Variants in CSMD3 observed in about 807,000 individuals in gnomAD.
CSMD3 encodes the protein CUB and sushi domain-containing protein 3.
A neutral mutation model predicts 435.2 loss-of-function variants in CSMD3; 177 were observed. The ratio of observed to expected loss-of-function variants is 0.41; its 90% CI spans 0.36 to 0.46. The LOEUF is 0.46. CSMD3 is among the 20% of genes least tolerant of loss of function. The pLI is 0.34. For missense variants in CSMD3, 4,265 were observed against 4,504.6 expected (o/e 0.95, Z 1.52); for synonymous variants, 1,656 against 1,520.5 (o/e 1.09, Z -2.07).
intron 22 of CSMD3, among the ~76,000 whole-genome samples, chr8:112,616,424 A>G (rs1391184266): frequency 1.3e-5 from 2 of 152,104 alleles, no homozygotes; most frequent in African/African-American, 2.4e-5. Context: ...CAGCACTCCT[A>G]CCATGTGAGA....
In CSMD3 at chr8:113,039,059, G is replaced by T. The variant is rs571849706; in HGVS notation, c.918-19880C>A. Among the ~76,000 whole-genome samples the T allele has an allele frequency of 1.3e-3, 204 of 152,056 alleles. 1 individual carries two copies. Among genetic ancestry groups the T allele is most frequent in the African/African-American group, 4.8e-3 (198 of 41,488 alleles). Reference sequence around the variant, plus strand: ...ATGTATTTTAAAGCTGATTTTTATGGTATAGTGTTCTATGAAATCCTTTGA... The same window carrying T: ...ATGTATTTTAAAGCTGATTTTTATGTTATAGTGTTCTATGAAATCCTTTGA... On this transcript the variant is annotated intron_variant, in intron 5 of 70. Coordinates refer to ENST00000297405, the MANE Select transcript of CSMD3 (RefSeq NM_198123.2).
intron 13 of CSMD3, among the ~76,000 whole-genome samples, chr8:112,789,884 T>C (rs577543659): frequency 9.9e-5 from 15 of 152,128 alleles, no homozygotes; most frequent in African/African-American, 3.6e-4. Flanking sequence ...AGAAAACTAA[T>C]GAATGCATGG....
At chr8:112,890,056 C>T (rs1442236906) in intron 10 of CSMD3, among the ~76,000 whole-genome samples, 1 of 151,612 alleles carries the variant, frequency 6.6e-6, no homozygotes, top group Non-Finnish European at 1.5e-5. Flanking sequence ...AGAAAAAAAG[C>T]ACTTGTTAAT....
chr8:113,050,336 T>TATCA (rs1447069068), intron 5 of CSMD3, among the ~76,000 whole-genome samples: 1 of 152,040 alleles, frequency 6.6e-6, no homozygotes, highest in African/African-American at 2.4e-5. Context: ...CTTTTAAACC[T>TATCA]ATCACATTTA....
At chr8:112,870,475 A>T in intron 10 of CSMD3, among the ~76,000 whole-genome samples, 1 of 151,034 alleles carries the variant, frequency 6.6e-6, no homozygotes, top group East Asian at 1.9e-4. Context: ...ACGGGGTTTC[A>T]CAGTGTTAGC....
At chr8:112,606,672 T>G (rs1189082398) in intron 22 of CSMD3, among the ~76,000 whole-genome samples, 1 of 152,192 alleles carries the variant, frequency 6.6e-6, no homozygotes, top group East Asian at 1.9e-4. Flanking sequence ...TCAAGAAGAC[T>G]GAAGTTATAC....
chr8:113,146,214 C>G (rs1393768091), intron 4 of CSMD3, among the ~76,000 whole-genome samples: 1 of 151,458 alleles, frequency 6.6e-6, no homozygotes, highest in African/African-American at 2.4e-5. Flanking sequence ...TTCCTCTTGT[C>G]AAATATCCAG....
At chr8:112,748,750 T>C (rs917542938) in intron 13 of CSMD3, among the ~76,000 whole-genome samples, 5 of 152,220 alleles carry the variant, frequency 3.3e-5, no homozygotes, top group Non-Finnish European at 7.3e-5. Context: ...TTGATGGCCA[T>C]GTAAGTTGAT....
chr8:113,100,400 C>T (rs1410686929), intron 4 of CSMD3, among the ~76,000 whole-genome samples: 1 of 152,032 alleles, frequency 6.6e-6, no homozygotes, highest in African/African-American at 2.4e-5. Flanking sequence ...TACCCTCAAC[C>T]ATAAATCACT....
intron 4 of CSMD3, among the ~76,000 whole-genome samples, chr8:113,113,550 A>T (rs1172962633): frequency 1.3e-5 from 2 of 152,216 alleles, no homozygotes; most frequent in Non-Finnish European, 2.9e-5. Context: ...TACTTCCTAT[A>T]GGACAGCCTT....
chr8:113,347,585 T>C (rs1251410139), intron 1 of CSMD3, among the ~76,000 whole-genome samples: 1 of 151,996 alleles, frequency 6.6e-6, no homozygotes, highest in Non-Finnish European at 1.5e-5. Context: ...ACATTGCCAT[T>C]TGGGGGACAC....
chr8:112,980,625 T>G (rs1037859725), intron 6 of CSMD3, among the ~76,000 whole-genome samples: 1 of 151,406 alleles, frequency 6.6e-6, no homozygotes, highest in Non-Finnish European at 1.5e-5. Flanking sequence ...TTTGTTATTT[T>G]TTTCTTCTTT....
intron 32 of CSMD3, among the ~76,000 whole-genome samples, chr8:112,428,925 C>A (rs1012356819): frequency 1.3e-5 from 2 of 151,912 alleles, no homozygotes; most frequent in African/African-American, 4.8e-5. Context: ...TTGATAGATA[C>A]AATTGTATGT....
intron 1 of CSMD3, among the ~76,000 whole-genome samples, chr8:113,382,154 C>A (rs2094418799): frequency 1.3e-5 from 2 of 151,984 alleles, no homozygotes; most frequent in Non-Finnish European, 2.9e-5. Flanking sequence ...AATTATAATT[C>A]TTTAAAGTAT....
chr8:113,345,334 T>C (rs998271352), intron 1 of CSMD3, among the ~76,000 whole-genome samples: 1 of 152,260 alleles, frequency 6.6e-6, no homozygotes, highest in Non-Finnish European at 1.5e-5. Context: ...AATAATTTAA[T>C]GATATCTATG....
chr8:112,655,517 C>T (rs1222241341), intron 18 of CSMD3, among the ~76,000 whole-genome samples: 2 of 152,052 alleles, frequency 1.3e-5, no homozygotes, highest in East Asian at 3.9e-4. Context: ...TTCATATCAG[C>T]ATCAAAATGT....
Position 112,485,940 on chromosome 8 carries a change from C to CTT in CSMD3, c.5278+6547_5278+6548dup, listed in dbSNP as rs549602181. Among the ~76,000 whole-genome samples the CTT allele has an allele frequency of 9.5e-3, 1,328 of 139,100 alleles. 31 individuals carry two copies. The highest frequency in any genetic ancestry group is 0.095 in the East Asian group (455 of 4,776). The allele number at this position is 139,100 out of a possible 152,430, so 91.3% of individuals were successfully genotyped here. ...TCATCAGTGATTGAGTGACTTAAAT[C>CTT]TTTTTTTTTTTTTTTGCATAATCCA... On this transcript the variant is annotated intron_variant, in intron 31 of 70. Coordinates refer to ENST00000297405, the MANE Select transcript of CSMD3 (RefSeq NM_198123.2).
intron 5 of CSMD3, among the ~76,000 whole-genome samples, chr8:113,094,970 C>G (rs2090119679): frequency 6.6e-6 from 1 of 151,846 alleles, no homozygotes; most frequent in African/African-American, 2.4e-5. Flanking sequence ...ACTCGGGAGG[C>G]TGAGGCAGGA....
intron 13 of CSMD3, among the ~76,000 whole-genome samples, chr8:112,698,515 G>T (rs2076309483): frequency 6.6e-6 from 1 of 152,036 alleles, no homozygotes; most frequent in Non-Finnish European, 1.5e-5. Context: ...CTGATTTTAG[G>T]GGATGGACAA....
Sources: allele counts gnomAD v4.1 joint callset (sites outside exome capture counted in the v4.1 genomes callset), GRCh38; gene constraint gnomAD v4.1.1; transcripts MANE v1.5; gene names NCBI Gene and HGNC (gene_info 2026-07-23, HGNC 2026-07-21).